GRIA3: variants seen among roughly 807,000 people sequenced by gnomAD.
GRIA3 encodes glutamate receptor 3.
A neutral mutation model predicts 63.0 loss-of-function variants in GRIA3; 3 were observed. The observed-to-expected ratio is 0.05, with a 90% CI of 0.02 to 0.12. The LOEUF (loss-of-function observed/expected upper bound fraction) is 0.12. GRIA3 is among the 10% of genes least tolerant of loss of function. The probability of loss-of-function intolerance (pLI) is 1.00; values close to 1 mark genes in which losing one functional copy is unlikely to be tolerated. For missense variants in GRIA3, 347 were observed against 700.9 expected, an observed-to-expected ratio of 0.50 and a Z score of 5.70; for synonymous variants, 274 against 257.9, an observed-to-expected ratio of 1.06 and a Z score of -0.60.
At chrX:123,253,005 C>A (rs1353726524) in intron 2 of GRIA3, among the ~76,000 whole-genome samples, 1 of 111,906 alleles carries the variant, frequency 8.9e-6, no homozygotes, top group Non-Finnish European at 1.9e-5. Flanking sequence ...TACAAGAGCA[C>A]TGAATGCCTT....
intron 3 of GRIA3, among the ~76,000 whole-genome samples, chrX:123,287,630 CAGAG>C (rs1361421897): frequency 4.5e-5 from 5 of 111,573 alleles, no homozygotes; most frequent in African/African-American, 1.6e-4. Flanking sequence ...AATAGACAAA[CAGAG>C]AGCCAATTCA....
chrX:123,357,365 T>C (rs1457433984), intron 5 of GRIA3, among the ~76,000 whole-genome samples: 1 of 109,544 alleles, frequency 9.1e-6, no homozygotes, highest in Non-Finnish European at 1.9e-5. Flanking sequence ...ACCGATGATC[T>C]GTAAAGGCCT....
intron 15 of GRIA3, 54 bp downstream of exon 15, chrX:123,483,100 C>A: frequency 1.7e-5 from 16 of 932,169 alleles, no homozygotes; most frequent in Non-Finnish European, 2.1e-5. Flanking sequence ...ATGTCAATCT[C>A]TTTTTTTCTT....
At chrX:123,414,426 TA>T (rs1352693211) in intron 10 of GRIA3, among the ~76,000 whole-genome samples, 5 of 112,202 alleles carry the variant, frequency 4.5e-5, no homozygotes, top group East Asian at 5.6e-4. Context: ...TTTTCTTTTT[TA>T]TTTTTTTTAT....
intron 3 of GRIA3, among the ~76,000 whole-genome samples, chrX:123,319,379 T>C (rs2044853245): frequency 8.9e-6 from 1 of 112,346 alleles, no homozygotes; most frequent in African/African-American, 3.2e-5. Context: ...ATCCCCATCA[T>C]TAAGTGATCA....
intron 12 of GRIA3, among the ~76,000 whole-genome samples, chrX:123,445,303 A>G (rs767429488): frequency 8.9e-5 from 10 of 111,742 alleles, no homozygotes; most frequent in African/African-American, 3.2e-4. Context: ...CCTCCCTGGA[A>G]AGTAATACTC....
chrX:123,243,277 C>A (rs907881318), intron 2 of GRIA3, among the ~76,000 whole-genome samples: 1 of 112,196 alleles, frequency 8.9e-6, no homozygotes, highest in South Asian at 3.7e-4. Context: ...TTATGCTATA[C>A]CCATGATCAA....
intron 11 of GRIA3, among the ~76,000 whole-genome samples, chrX:123,427,001 T>C (rs1317946201): frequency 8.9e-6 from 1 of 111,745 alleles, no homozygotes; most frequent in African/African-American, 3.3e-5. Flanking sequence ...GGTAGTTTCC[T>C]ACTTCACTTG....
chrX:123,413,882 A>G (rs1372328627), intron 10 of GRIA3, among the ~76,000 whole-genome samples: 3 of 111,808 alleles, frequency 2.7e-5, no homozygotes, highest in Non-Finnish European at 3.8e-5. Context: ...GAGCAGAACT[A>G]GGAAGGAAAG....
intron 5 of GRIA3, among the ~76,000 whole-genome samples, chrX:123,370,193 G>T (rs1203253927): frequency 8.9e-6 from 1 of 111,975 alleles, no homozygotes; most frequent in African/African-American, 3.2e-5. Flanking sequence ...CCAGCAAACT[G>T]CTGTCCTTCA....
intron 3 of GRIA3, among the ~76,000 whole-genome samples, chrX:123,302,525 G>T (rs998390743): frequency 3.6e-5 from 4 of 111,405 alleles, no homozygotes; most frequent in Non-Finnish European, 7.6e-5. Flanking sequence ...GGGTGACCTT[G>T]GTCAAAATAT....
At chrX:123,300,273 AT>A (rs1485092880) in intron 3 of GRIA3, among the ~76,000 whole-genome samples, 1 of 106,729 alleles carries the variant, frequency 9.4e-6, no homozygotes, top group Non-Finnish European at 1.9e-5. Context: ...CTCCTCCTCA[AT>A]TTTTTAGAAT....
At chrX:123,487,226 T>C (rs1315713018) in intron 15 of GRIA3, among the ~76,000 whole-genome samples, 1 of 113,158 alleles carries the variant, frequency 8.8e-6, no homozygotes, top group Non-Finnish European at 1.9e-5. Context: ...CTAATTGTTT[T>C]AGGAAGTTAT....
At chrX:123,373,600 A>G (rs1177156010) in intron 5 of GRIA3, among the ~76,000 whole-genome samples, 5 of 112,217 alleles carry the variant, frequency 4.5e-5, no homozygotes, top group East Asian at 2.8e-4. Context: ...TTCTCTGATG[A>G]CCAGTGATGA....
chrX:123,252,623 G>T (rs1205035105), intron 2 of GRIA3, among the ~76,000 whole-genome samples: 5 of 111,317 alleles, frequency 4.5e-5, no homozygotes, highest in African/African-American at 6.5e-5. Context: ...TGGGCTAGTG[G>T]AGTCTATAAG....
At chrX:123,227,688 G>A (rs1039734834) in intron 2 of GRIA3, among the ~76,000 whole-genome samples, 3 of 112,076 alleles carry the variant, frequency 2.7e-5, no homozygotes, top group African/African-American at 9.7e-5. Flanking sequence ...GTGTAGCATG[G>A]GTGAATATTT....
Position 123,252,915 on chromosome X carries a change from G to A in GRIA3, c.269-388G>A, listed in dbSNP as rs772137174. On this transcript the variant is annotated intron_variant, in intron 2 of 15. Transcript: ENST00000620443. Reference sequence around the variant, plus strand: ...CACCTATGAGAAAAAGGAATGAAGGGTGGTACAAAAAACAGTTGTAGTTGT... The same window carrying A: ...CACCTATGAGAAAAAGGAATGAAGGATGGTACAAAAAACAGTTGTAGTTGT... Among the ~76,000 whole-genome samples the A allele has an allele frequency of 5.4e-5, 6 of 112,043 alleles. No homozygotes were observed. In the South Asian group the frequency reaches 1.9e-3, roughly 36 times the overall value.
intron 3 of GRIA3, among the ~76,000 whole-genome samples, chrX:123,272,902 G>A (rs758912050): frequency 9.0e-6 from 1 of 111,562 alleles, no homozygotes; most frequent in East Asian, 2.8e-4. Context: ...CACAGAGGGA[G>A]GATAATTTCC....
intron 2 of GRIA3, among the ~76,000 whole-genome samples, chrX:123,246,434 T>C (rs947248294): frequency 1.8e-4 from 20 of 111,692 alleles, no homozygotes; most frequent in Non-Finnish European, 7.5e-5. Flanking sequence ...TTCTAGAGAC[T>C]ACCCATATTT....
Sources: gnomAD v4.1 joint callset for allele counts (sites outside exome capture counted in the v4.1 genomes callset) on GRCh38, gnomAD v4.1.1 for gene constraint, MANE v1.5 for transcripts, NCBI Gene and HGNC (gene_info 2026-07-23, HGNC 2026-07-21) for gene names.